DTX1: variants seen among roughly 807,000 people sequenced by gnomAD.
DTX1 encodes E3 ubiquitin-protein ligase DTX1.
In DTX1, 26 loss-of-function variants were observed where a neutral mutation model predicts 57.8. That is an observed-to-expected ratio of 0.45 (90% CI 0.33 to 0.62). The LOEUF is 0.62. DTX1 is among the 20% of genes least tolerant of loss of function. The pLI, the probability that DTX1 is intolerant of heterozygous loss-of-function variation, is 0.02. For missense variants in DTX1, 704 were observed against 895.3 expected, an observed-to-expected ratio of 0.79 and a Z score of 2.73; for synonymous variants, 398 against 394.1, an observed-to-expected ratio of 1.01 and a Z score of -0.12.
intron 3 of DTX1, among the ~76,000 whole-genome samples, chr12:113,088,781 A>T (rs1000782187): frequency 6.6e-6 from 1 of 152,202 alleles, no homozygotes; most frequent in African/African-American, 2.4e-5. Flanking sequence ...ACTTGAGCCC[A>T]GGAGGTCAGG....
At chr12:113,063,587 C>T (rs1476596113) in intron 2 of DTX1, among the ~76,000 whole-genome samples, 2 of 152,206 alleles carry the variant, frequency 1.3e-5, no homozygotes, top group African/African-American at 2.4e-5. Context: ...TAGCTGAGGC[C>T]GAGGGATGCC....
rs528216457 is a variant in DTX1 at position 113,094,140 on chromosome 12, G to T, written c.1227+41G>T. 162 of 1,502,650 alleles carry T rather than the reference G, an allele frequency of 1.1e-4. 1 individual carries two copies. In the East Asian group the frequency reaches 3.8e-3, roughly 35 times the overall value. The allele number at this position is 1,502,650 out of a possible 1,614,324, so 93.1% of individuals were successfully genotyped here. On this transcript the variant is annotated intron_variant, in intron 6 of 9. Transcript: ENST00000548759. The stretch of plus-strand genomic sequence containing the variant: ...GGGGGCTGGGGGAGGGCCCTGGCAT[G>T]GAGGGGGCAGGAACCCTCACCCCTC...
chr12:113,088,967 G>T (rs1406293000), intron 3 of DTX1, among the ~76,000 whole-genome samples: 2 of 152,150 alleles, frequency 1.3e-5, no homozygotes, highest in African/African-American at 4.8e-5. Flanking sequence ...GTAAGCAATG[G>T]TTAAGCCACT....
chr12:113,065,426 C>A (rs1230994284), intron 2 of DTX1, among the ~76,000 whole-genome samples: 1 of 152,180 alleles, frequency 6.6e-6, no homozygotes, highest in Non-Finnish European at 1.5e-5. Flanking sequence ...ACAGCACCAT[C>A]AACGACCCGC....
At position 113,093,346 on chromosome 12, in the gene DTX1, C is replaced by T. The variant is rs1267630623; in HGVS notation, c.1003+123C>T. ...CGTGGCCCGGAGGAAACGCCCCCTTCCACTGGGCCCAGGACACAGGGCGGG... is the reference window on the plus strand; with the variant it reads ...CGTGGCCCGGAGGAAACGCCCCCTTTCACTGGGCCCAGGACACAGGGCGGG... On this transcript the variant is annotated intron_variant, in intron 4 of 9. Transcript: ENST00000548759. This position sits in a 1 kb window ranked among gnomAD's most constrained non-coding sequence, Gnocchi z 4.2. 7.3e-7 allele frequency: 1 copy of T among 1,361,102 alleles called. No individual in the cohort carries two copies. Among genetic ancestry groups the T allele is most frequent in the African/African-American group, 1.5e-5 (1 of 68,262 alleles). 84.3% of individuals were successfully genotyped at this position (1,361,102 alleles called of 1,614,324 possible). A position where few individuals can be genotyped will look rare whatever the true frequency, so the allele number is the denominator to read the frequency against.
rs370481380 is a variant in DTX1, at chr12:113,096,722, G to A, written c.1646G>A (p.Arg549Gln). The change falls in exon 10 of 10, where the codon CGG (arginine) becomes CAG (glutamine). Residue 549 changes from arginine (R) to glutamine (Q), a missense_variant. Arg to Gln is a conservative substitution (Grantham distance 43, BLOSUM62 1). Around this residue, in one of 3 missense-constraint regions of DTX1, gnomAD observed 168 missense variants for 255.6 expected, o/e 0.66. Transcript: ENST00000548759. ...GTGTCCCTGTCCCCCCAGGTGCTGC[G>A]GCTGCTCATCACGGCCTGGGAGAGA... ...PNNEKGRKVL[R>Q]LLITAWERRL... 75 of 1,611,932 alleles carry A rather than the reference G, an allele frequency of 4.7e-5. No homozygotes were observed. In the African/African-American group the frequency reaches 9.1e-4, roughly 19 times the overall value.
intron 3 of DTX1, among the ~76,000 whole-genome samples, chr12:113,079,872 C>T (rs558077541): frequency 3.9e-5 from 6 of 152,254 alleles, no homozygotes; most frequent in African/African-American, 1.4e-4. Context: ...TTCTTGACCA[C>T]TTCTGAGCTG....
intron 3 of DTX1, among the ~76,000 whole-genome samples, chr12:113,082,221 C>G (rs1437517447): frequency 6.6e-6 from 1 of 152,140 alleles, no homozygotes; most frequent in African/African-American, 2.4e-5. Flanking sequence ...TCCCTCCCCA[C>G]CCACGCAGAT....
At chr12:113,088,440 C>T (rs1674120) in intron 3 of DTX1, among the ~76,000 whole-genome samples, 120,393 of 152,238 alleles carry the variant, frequency 0.79, 47,687 homozygotes, top group Admixed American at 0.85. Flanking sequence ...GAAGAGGCGG[C>T]GTGGACCAGA....
chr12:113,093,436 A>AGCCC lies in DTX1; in HGVS notation c.1004-103_1004-102insGCCC. 2 of 876,280 alleles carry AGCCC rather than the reference A, an allele frequency of 2.3e-6. No individual in the cohort carries two copies. Among genetic ancestry groups the AGCCC allele is most frequent in the Non-Finnish European group, 3.4e-6 (2 of 586,222 alleles). The allele number at this position is 876,280 out of a possible 1,614,324, so 54.3% of individuals were successfully genotyped here. A position where few individuals can be genotyped will look rare whatever the true frequency, so the allele number is the denominator to read the frequency against. Reference sequence around the variant, plus strand: ...CTGAGTGGGTGGGGCCCAAGAGCGCAACCCTCCCACCCACCCGAGGGCCCC... The same window carrying AGCCC: ...CTGAGTGGGTGGGGCCCAAGAGCGCAGCCCACCCTCCCACCCACCCGAGGGCCCC... On this transcript the variant is annotated intron_variant, in intron 4 of 9. Transcript: ENST00000548759. This position sits in a 1 kb window ranked among gnomAD's most constrained non-coding sequence, Gnocchi z 4.2.
chr12:113,095,310 T>C lies in DTX1; in HGVS notation c.1549-15T>C, dbSNP rs202200189. On this transcript the variant is annotated splice_polypyrimidine_tract_variant and intron_variant, in intron 8 of 9. Coordinates refer to ENST00000548759, the MANE Select transcript of DTX1 (RefSeq NM_004416.3). ...CTGTTCATGGTCTAAATCCCTGTACTGTCCCTCTCTGCAGGGCCCTGAGCA... is the reference window on the plus strand; with the variant it reads ...CTGTTCATGGTCTAAATCCCTGTACCGTCCCTCTCTGCAGGGCCCTGAGCA... 4.3e-6 allele frequency: 7 copies of C among 1,614,002 alleles called. No homozygotes were observed. Among genetic ancestry groups the C allele is most frequent in the Non-Finnish European group, 4.2e-6 (5 of 1,179,896 alleles).
chr12:113,093,815 C>G lies in DTX1; in HGVS notation c.1165+115C>G, dbSNP rs543523980. 3.6e-5 allele frequency: 54 copies of G among 1,483,504 alleles called. No homozygotes were observed. In the African/African-American group the frequency reaches 7.2e-4, roughly 20 times the overall value. 91.9% of individuals were successfully genotyped at this position (1,483,504 alleles called of 1,614,324 possible). A position where few individuals can be genotyped will look rare whatever the true frequency, so the allele number is the denominator to read the frequency against. On this transcript the variant is annotated intron_variant, in intron 5 of 9. Transcript: ENST00000548759. The surrounding 1 kb of genome is among the most constrained non-coding windows in gnomAD (Gnocchi z 4.2). ...GCATTTACTACCTCACCTCCATTGCCTGATCTCAGCTCCCCTTGCCCTGGC... is the reference window on the plus strand; with the variant it reads ...GCATTTACTACCTCACCTCCATTGCGTGATCTCAGCTCCCCTTGCCCTGGC...
chr12:113,079,648 C>T (rs2044801547), intron 3 of DTX1, among the ~76,000 whole-genome samples: 1 of 149,068 alleles, frequency 6.7e-6, no homozygotes, highest in Non-Finnish European at 1.5e-5. Flanking sequence ...CTGCCTCAGT[C>T]TTCTGAGTAG....
At chr12:113,087,127 A>C (rs2044865939) in intron 3 of DTX1, among the ~76,000 whole-genome samples, 1 of 41,776 alleles carries the variant, frequency 2.4e-5, no homozygotes, top group Admixed American at 1.7e-4. Flanking sequence ...GGGAGGGTTG[A>C]AGAGTGACCC....
intron 2 of DTX1, among the ~76,000 whole-genome samples, chr12:113,067,184 G>A (rs978600404): frequency 4.6e-5 from 7 of 151,882 alleles, no homozygotes; most frequent in Non-Finnish European, 8.8e-5. Flanking sequence ...CTCTTGTCCC[G>A]ATGACCGACT....
chr12:113,075,225 C>T (rs569794374), intron 2 of DTX1, among the ~76,000 whole-genome samples: 4 of 152,342 alleles, frequency 2.6e-5, no homozygotes, highest in Non-Finnish European at 2.9e-5. Flanking sequence ...TGCCTACGCA[C>T]AGTCACAGAG....
intron 3 of DTX1, among the ~76,000 whole-genome samples, chr12:113,087,755 G>T (rs1300813405): frequency 6.6e-6 from 1 of 152,170 alleles, no homozygotes; most frequent in East Asian, 1.9e-4. Flanking sequence ...AGGGGGCCAA[G>T]GCCAATGGGG....
At position 113,094,019 on chromosome 12, in the gene DTX1, C is replaced by T. The variant is rs747734580; in HGVS notation, c.1166-19C>T. 1 of 1,568,548 alleles carries T rather than the reference C, an allele frequency of 6.4e-7. No homozygotes were observed. The highest frequency in any genetic ancestry group is 1.3e-5 in the African/African-American group (1 of 74,408). Reference sequence around the variant, plus strand: ...CAGACTCTGGGTACCCTCAAACCCACCCCGCTGTGTCCCTGCAGGTAAGAA... The same window carrying T: ...CAGACTCTGGGTACCCTCAAACCCATCCCGCTGTGTCCCTGCAGGTAAGAA... On this transcript the variant is annotated intron_variant, in intron 5 of 9. Transcript: ENST00000548759.
Position 113,094,144 on chromosome 12 carries a change from G to C in DTX1, c.1227+45G>C, listed in dbSNP as rs564935992. 1.9e-5 allele frequency: 29 copies of C among 1,519,260 alleles called. 1 individual carries two copies. The African/African-American group carries it at 3.4e-4, about 18-fold the overall frequency. 94.1% of individuals were successfully genotyped at this position (1,519,260 alleles called of 1,614,324 possible). On this transcript the variant is annotated intron_variant, in intron 6 of 9. Transcript: ENST00000548759. The stretch of plus-strand genomic sequence containing the variant: ...GCTGGGGGAGGGCCCTGGCATGGAG[G>C]GGGCAGGAACCCTCACCCCTCCTCC...
Sources: allele counts gnomAD v4.1 joint callset (sites outside exome capture counted in the v4.1 genomes callset), GRCh38; gene constraint gnomAD v4.1.1; regional missense constraint gnomAD v4.1.1; non-coding constraint Gnocchi (gnomAD v3.1); transcripts MANE v1.5; gene names NCBI Gene and HGNC (gene_info 2026-07-23, HGNC 2026-07-21).